ZNF175: variants seen among roughly 807,000 people sequenced by gnomAD.
ZNF175 encodes the protein zinc finger protein 175, also known as zinc finger protein OTK18.
Under a neutral mutation model 14.0 loss-of-function variants are expected in ZNF175, and 8 were observed. The ratio of observed to expected loss-of-function variants is 0.57; its 90% CI spans 0.34 to 1.03. ZNF175 has a LOEUF of 1.03. Among genes scored for constraint, ZNF175 ranks in the 50% least tolerant of loss-of-function variants. ZNF175 has a pLI of 0.03. For missense variants in ZNF175, 764 were observed against 849.5 expected (o/e 0.90, Z 1.25); for synonymous variants, 255 against 296.8 (o/e 0.86, Z 1.45).
chr19:51,573,027 A>G (rs1981645351), intron 1 of ZNF175, 123 bp from the exon 2 acceptor site: 1 of 363,072 alleles, frequency 2.8e-6, no homozygotes, highest in South Asian at 4.9e-5. Context: ...TAATAACTAG[A>G]GTTGGGCTTT....
chr19:51,584,899 G>A (rs1226980584), intron 4 of ZNF175, among the ~76,000 whole-genome samples: 5 of 152,156 alleles, frequency 3.3e-5, no homozygotes, highest in African/African-American at 7.2e-5. Flanking sequence ...GTAAAATGGT[G>A]TAGTCCTATG....
chr19:51,575,074 A>C (rs1421652796), intron 2 of ZNF175, among the ~76,000 whole-genome samples: 1 of 151,820 alleles, frequency 6.6e-6, no homozygotes, highest in Non-Finnish European at 1.5e-5. Flanking sequence ...ATAGTGTTTT[A>C]ATTTGCATTA....
At chr19:51,577,663 C>CTTT (rs35533410) in intron 2 of ZNF175, among the ~76,000 whole-genome samples, 148 of 127,230 alleles carry the variant, frequency 1.2e-3, no homozygotes, top group East Asian at 4.9e-3. Flanking sequence ...CTTTCTCTCT[C>CTTT]TTTTTTTTTT....
chr19:51,592,131 C>T lies in ZNF175; in HGVS notation c.*3664C>T, dbSNP rs1394372304. ...ATCAGAAAACATACTGCCCAGAGTC[C>T]CCTGCCCCCACCCCCAAAACCAGTA... On this transcript the variant is annotated 3_prime_UTR_variant, in exon 5 of 5. Coordinates refer to ENST00000262259, the MANE Select transcript of ZNF175 (RefSeq NM_007147.4). The T allele has an allele frequency of 3.2e-5, 5 of 157,672 alleles. No individual in the cohort carries two copies. Among genetic ancestry groups the T allele is most frequent in the Non-Finnish European group, 5.6e-5 (4 of 71,984 alleles). The allele number at this position is 157,672 out of a possible 1,614,324, so 9.8% of individuals were successfully genotyped here.
At position 51,573,248 on chromosome 19, in the gene ZNF175, C is replaced by A; in HGVS notation, c.-82C>A. The A allele has an allele frequency of 6.9e-7, 1 of 1,447,392 alleles. No individual in the cohort carries two copies. Among genetic ancestry groups the A allele is most frequent in the South Asian group, 1.2e-5 (1 of 86,606 alleles). 89.7% of individuals were successfully genotyped at this position (1,447,392 alleles called of 1,614,324 possible). ...TCCGCCGTGTCCCTGGTTGGAAAAT[C>A]CAAACACCTATCCAGCTTCTGGCTC... On this transcript the variant is annotated 5_prime_UTR_variant, in exon 2 of 5. Transcript: ENST00000262259.
intron 1 of ZNF175, among the ~76,000 whole-genome samples, chr19:51,572,852 A>C (rs1218265326): frequency 6.6e-6 from 1 of 152,222 alleles, no homozygotes; most frequent in East Asian, 1.9e-4. Context: ...GGACTTGACA[A>C]GCTTCATCTT....
rs1982274819 is a variant in ZNF175 at position 51,589,189 on chromosome 19, T to C, written c.*722T>C. The C allele has an allele frequency of 4.6e-6, 1 of 216,842 alleles. No individual in the cohort carries two copies. Among genetic ancestry groups the C allele is most frequent in the East Asian group, 9.9e-5 (1 of 10,120 alleles). 13.4% of individuals were successfully genotyped at this position (216,842 alleles called of 1,614,324 possible). On this transcript the variant is annotated 3_prime_UTR_variant, in exon 5 of 5. Transcript: ENST00000262259. Reference sequence around the variant, plus strand: ...TAGGAATACCCAACCTGTATGTACGTATATTTCTGTATCTATGTATGTATA... The same window carrying C: ...TAGGAATACCCAACCTGTATGTACGCATATTTCTGTATCTATGTATGTATA...
chr19:51,571,913 T>A (rs967634310), intron 1 of ZNF175, among the ~76,000 whole-genome samples: 1 of 152,142 alleles, frequency 6.6e-6, no homozygotes, highest in Non-Finnish European at 1.5e-5. Flanking sequence ...AGGGGTAGCC[T>A]ATGGCAGCCA....
At chr19:51,586,556 C>T in intron 4 of ZNF175, 71 bp from the exon 5 acceptor site, 1 of 1,464,242 alleles carries the variant, frequency 6.8e-7, no homozygotes, top group Non-Finnish European at 9.2e-7. Flanking sequence ...TGTTCTGTGT[C>T]AATCAGCTTC....
At position 51,589,852 on chromosome 19, in the gene ZNF175, G is replaced by GA. The variant is rs903649552; in HGVS notation, c.*1389dup. 17 of 515,200 alleles carry GA rather than the reference G, an allele frequency of 3.3e-5. No homozygotes were observed. The highest frequency in any genetic ancestry group is 5.5e-5 in the Non-Finnish European group (16 of 291,460). The allele number at this position is 515,200 out of a possible 1,614,324, so 31.9% of individuals were successfully genotyped here. Reference sequence around the variant, plus strand: ...AATATCTACTCTCTGGCTCTTTACAGAAAATGTTTGCCAGCACATGATACA... The same window carrying GA: ...AATATCTACTCTCTGGCTCTTTACAGAAAAATGTTTGCCAGCACATGATACA... On this transcript the variant is annotated 3_prime_UTR_variant, in exon 5 of 5. Coordinates refer to ENST00000262259, the MANE Select transcript of ZNF175 (RefSeq NM_007147.4).
chr19:51,580,892 C>T (rs564944897), intron 2 of ZNF175, among the ~76,000 whole-genome samples: 16 of 152,356 alleles, frequency 1.1e-4, no homozygotes, highest in South Asian at 2.1e-4. Flanking sequence ...ACCTTCTACT[C>T]CTAGGTAGAA....
At chr19:51,574,064 G>A (rs1301825076) in intron 2 of ZNF175, 3 of 152,144 alleles carry the variant, frequency 2.0e-5, no homozygotes, top group South Asian at 4.1e-4. Flanking sequence ...ATCTCTTGAT[G>A]CTTTATTTAC....
Position 51,587,336 on chromosome 19 carries a change from T to C in ZNF175, c.1005T>C (p.Cys335=), listed in dbSNP as rs1037590235. 1.2e-6 allele frequency: 2 copies of C among 1,614,022 alleles called. No homozygotes were observed. The highest frequency in any genetic ancestry group is 2.7e-5 in the African/African-American group (2 of 74,920). ...YLTDHTGDIP[C]ICKECGKVFI... is the part of the protein sequence containing the mutation. ...CAGATCATACAGGTGATATACCCTG[T>C]ATATGCAAGGAATGTGGGAAGGTCT... The change falls in exon 5 of 5, where the codon TGT becomes TGC. Residue 335 remains cysteine, a synonymous_variant. Transcript: ENST00000262259.
At chr19:51,581,682 A>T (rs1426789469) in intron 3 of ZNF175, 105 bp from the exon 4 acceptor site, 1 of 1,528,350 alleles carries the variant, frequency 6.5e-7, no homozygotes. Context: ...TTTTGTGCCC[A>T]GTGGAAAATG....
In ZNF175 at chr19:51,581,436, G is replaced by A. The variant is rs1440290522; in HGVS notation, c.118G>A (p.Glu40Lys). 6.2e-7 allele frequency: 1 copy of A among 1,614,020 alleles called. No individual in the cohort carries two copies. Among genetic ancestry groups the A allele is most frequent in the Non-Finnish European group, 8.5e-7 (1 of 1,180,038 alleles). The change falls in exon 3 of 5, where the codon GAG becomes AAG. Residue 40 changes from glutamate (E) to lysine (K), a missense_variant. Physicochemically the swap from Glu to Lys is moderately conservative, Grantham distance 56. Transcript: ENST00000262259. The part of the protein sequence containing the change: ...EDVTVDFSRE[E>K]WQQLDPAQRC... ...CGTGACCGTGGACTTCAGCAGGGAG[G>A]AGTGGCAGCAACTGGACCCTGCCCA...
Position 51,573,482 on chromosome 19 carries a change from C to T in ZNF175, c.72+81C>T, listed in dbSNP as rs749238319. 5.1e-5 allele frequency: 71 copies of T among 1,380,196 alleles called. 4 individuals carry two copies. In the South Asian group the frequency reaches 8.3e-4, roughly 16 times the overall value. The allele number at this position is 1,380,196 out of a possible 1,614,324, so 85.5% of individuals were successfully genotyped here. A position where few individuals can be genotyped will look rare whatever the true frequency, so the allele number is the denominator to read the frequency against. ...TGCAGCAGGTCTGGGCTCCCTGCTC[C>T]TGAGTCAGTCTTGAGCCTCCTGTCA... is the stretch of plus-strand genomic sequence containing the variant. On this transcript the variant is annotated intron_variant, in intron 2 of 4. Coordinates refer to ENST00000262259, the MANE Select transcript of ZNF175 (RefSeq NM_007147.4).
Position 51,588,827 on chromosome 19 carries a change from C to A in ZNF175, c.*360C>A. 2.5e-6 allele frequency: 1 copy of A among 405,574 alleles called. No individual in the cohort carries two copies. Among genetic ancestry groups the A allele is most frequent in the South Asian group, 1.1e-4 (1 of 8,760 alleles). The allele number at this position is 405,574 out of a possible 1,614,324, so 25.1% of individuals were successfully genotyped here. Reference sequence around the variant, plus strand: ...TAGTAAAATATGTGGGAAATTATATCAATGATAACCCTGTTTATTGTGGGA... The same window carrying A: ...TAGTAAAATATGTGGGAAATTATATAAATGATAACCCTGTTTATTGTGGGA... On this transcript the variant is annotated 3_prime_UTR_variant, in exon 5 of 5. Coordinates refer to ENST00000262259, the MANE Select transcript of ZNF175 (RefSeq NM_007147.4).
Position 51,588,413 on chromosome 19 carries a change from C to A in ZNF175, c.2082C>A (p.Thr694=), listed in dbSNP as rs758341386. The A allele has an allele frequency of 7.5e-6, 12 of 1,598,248 alleles. No homozygotes were observed. Residue 694 remains threonine, a synonymous_variant, in exon 5 of 5, where the codon ACC becomes ACA. Coordinates refer to ENST00000262259, the MANE Select transcript of ZNF175 (RefSeq NM_007147.4). The stretch of plus-strand genomic sequence containing the variant: ...TCAATAAACACCAAACAACTCATAC[C>A]AGAGACAAATCTTACAAATGCAGTT... ...SNFNKHQTTH[T]RDKSYKCSYS...
intron 2 of ZNF175, 53 bp from the exon 3 acceptor site, chr19:51,581,338 C>A (rs557429887): frequency 6.2e-7 from 1 of 1,613,660 alleles, no homozygotes; most frequent in African/African-American, 1.3e-5. Context: ...ATGTGCCATC[C>A]CCACTCGCCA....
Sources: allele counts gnomAD v4.1 joint callset (sites outside exome capture counted in the v4.1 genomes callset), GRCh38; gene constraint gnomAD v4.1.1; transcripts MANE v1.5; gene names NCBI Gene and HGNC (gene_info 2026-07-23, HGNC 2026-07-21).